Variants in GRIK1 observed in about 807,000 individuals in gnomAD.
GRIK1 encodes the protein glutamate receptor ionotropic, kainate 1.
In GRIK1, 69 loss-of-function variants were observed where a neutral mutation model predicts 105.7. The ratio of observed to expected loss-of-function variants is 0.65; its 90% CI spans 0.54 to 0.80. The LOEUF is 0.80. Among genes scored for constraint, GRIK1 ranks in the 30% least tolerant of loss-of-function variants. The pLI is 0.00. For synonymous variants in GRIK1, 438 were observed against 431.3 expected (o/e 1.02, Z -0.19); for missense variants, 1,109 against 1,167.3 (o/e 0.95, Z 0.73).
intron 5 of GRIK1, among the ~76,000 whole-genome samples, chr21:29,654,102 T>G (rs7275185): frequency 0.021 from 3,204 of 152,286 alleles, 120 homozygotes; most frequent in African/African-American, 0.074. Context: ...ATTCTGTTTT[T>G]CTTCTCATGT....
chr21:29,909,104 AT>A (rs1299816233), intron 1 of GRIK1, among the ~76,000 whole-genome samples: 3 of 152,102 alleles, frequency 2.0e-5, no homozygotes, highest in African/African-American at 2.4e-5. Context: ...TTTCAAAGAA[AT>A]TTTTATTTAA....
intron 1 of GRIK1, among the ~76,000 whole-genome samples, chr21:29,707,446 C>CCCTCCCTCCCTCCCTTCCTTCCTTTCTT (rs1345900414): frequency 5.4e-5 from 1 of 18,654 alleles, no homozygotes; most frequent in African/African-American, 2.2e-4. Flanking sequence ...CTCCCTCCCT[C>CCCTCCCTCCCTCCCTTCCTTCCTTTCTT]CCTCCCTCCC....
intron 1 of GRIK1, among the ~76,000 whole-genome samples, chr21:29,832,851 G>A (rs1206628364): frequency 6.6e-6 from 1 of 152,086 alleles, no homozygotes. Flanking sequence ...CCAGAAAATG[G>A]GTTTTTCTTT....
At chr21:29,918,077 A>C (rs899633459) in intron 1 of GRIK1, among the ~76,000 whole-genome samples, 2 of 152,090 alleles carry the variant, frequency 1.3e-5, no homozygotes, top group African/African-American at 4.8e-5. Flanking sequence ...GTGATGGTTT[A>C]GTCACAAACT....
At chr21:29,842,169 T>C (rs1452222081) in intron 1 of GRIK1, among the ~76,000 whole-genome samples, 1 of 152,200 alleles carries the variant, frequency 6.6e-6, no homozygotes, top group East Asian at 1.9e-4. Context: ...TCACTCAGGT[T>C]ATTCTTTGCT....
At chr21:29,933,814 T>C (rs911573256) in intron 1 of GRIK1, among the ~76,000 whole-genome samples, 1 of 152,158 alleles carries the variant, frequency 6.6e-6, no homozygotes, top group Non-Finnish European at 1.5e-5. Context: ...CAGCTGGAAA[T>C]ATGAATCCCC....
intron 14 of GRIK1, among the ~76,000 whole-genome samples, chr21:29,567,227 T>C (rs1205629162): frequency 6.6e-6 from 1 of 152,226 alleles, no homozygotes; most frequent in African/African-American, 2.4e-5. Context: ...AGGATTTCCA[T>C]CACACAATGT....
chr21:29,805,076 A>T (rs1234039642), intron 1 of GRIK1, among the ~76,000 whole-genome samples: 1 of 151,840 alleles, frequency 6.6e-6, no homozygotes, highest in Admixed American at 6.6e-5. Context: ...TTTTGTGGGG[A>T]TATGCAGCTT....
Position 29,681,419 on chromosome 21 carries a change from T to C in GRIK1, c.545-8255A>G, listed in dbSNP as rs1568968885. On this transcript the variant is annotated intron_variant, in intron 3 of 17. Coordinates refer to ENST00000327783, the MANE Select transcript of GRIK1 (RefSeq NM_001330994.2). ...TCCCCTCCCCTCTTACTCTGATCCA[T>C]CCACCCTGGCCTCCTTGCTGTTGCT... Among the ~76,000 whole-genome samples the C allele has an allele frequency of 2.6e-5, 4 of 152,266 alleles. No homozygotes were observed. In the East Asian group the frequency reaches 7.7e-4, roughly 29 times the overall value.
chr21:29,574,597 G>A (rs924378706), intron 14 of GRIK1, among the ~76,000 whole-genome samples: 3 of 151,370 alleles, frequency 2.0e-5, no homozygotes, highest in Non-Finnish European at 4.4e-5. Flanking sequence ...TTGCAAAGCC[G>A]TAATGTCATT....
At chr21:29,608,525 T>C (rs952023810) in intron 7 of GRIK1, among the ~76,000 whole-genome samples, 2 of 152,178 alleles carry the variant, frequency 1.3e-5, no homozygotes, top group Non-Finnish European at 2.9e-5. Flanking sequence ...TTCTGCCAAA[T>C]ACTGCATTAA....
rs994993709 is a variant in GRIK1 at position 29,690,079 on chromosome 21, A to G, written c.287-94T>C. The G allele has an allele frequency of 3.0e-6, 3 of 985,152 alleles. No homozygotes were observed. In the Admixed American group the frequency reaches 7.6e-5, roughly 25 times the overall value. 61.0% of individuals were successfully genotyped at this position (985,152 alleles called of 1,614,324 possible). A position where few individuals can be genotyped will look rare whatever the true frequency, so the allele number is the denominator to read the frequency against. ...TATGAATTTAATTTTTTCTTTCATG[A>G]TTCCTCTTTTTAATGCAACTATTGA... On this transcript the variant is annotated intron_variant, in intron 2 of 17. Coordinates refer to ENST00000327783, the MANE Select transcript of GRIK1 (RefSeq NM_001330994.2).
chr21:29,572,962 G>C (rs915446223), intron 14 of GRIK1, among the ~76,000 whole-genome samples: 2 of 151,940 alleles, frequency 1.3e-5, no homozygotes, highest in Non-Finnish European at 2.9e-5. Flanking sequence ...TAGTAGGGAC[G>C]GGGTTTCTCC....
intron 1 of GRIK1, among the ~76,000 whole-genome samples, chr21:29,904,192 C>T (rs966863480): frequency 5.3e-5 from 8 of 151,744 alleles, no homozygotes; most frequent in African/African-American, 1.9e-4. Context: ...CGATGGGTGC[C>T]GCAAACCACC....
chr21:29,560,380 C>CTTTCTTT (rs1568813803), intron 15 of GRIK1, among the ~76,000 whole-genome samples: 1 of 51,604 alleles, frequency 1.9e-5, no homozygotes, highest in Admixed American at 2.4e-4. Context: ...TTCCTTCCTT[C>CTTTCTTT]CTTCCTTCCT....
chr21:29,890,917 GT>G (rs2069873356), intron 1 of GRIK1, among the ~76,000 whole-genome samples: 1 of 152,148 alleles, frequency 6.6e-6, no homozygotes, highest in African/African-American at 2.4e-5. Flanking sequence ...CAGTTGGTCT[GT>G]TTTTTGTATG....
At chr21:29,542,946 G>A (rs556920535) in intron 16 of GRIK1, among the ~76,000 whole-genome samples, 2 of 152,272 alleles carry the variant, frequency 1.3e-5, no homozygotes, top group African/African-American at 4.8e-5. Context: ...GAAGAAAGAG[G>A]ATATTATTGT....
At chr21:29,601,130 C>T (rs1236655905) in intron 7 of GRIK1, 3 of 417,818 alleles carry the variant, frequency 7.2e-6, no homozygotes, top group African/African-American at 4.0e-5. Context: ...GCAAGGCAGA[C>T]AGCCCTCTCC....
At chr21:29,605,565 C>A (rs1325547157) in intron 7 of GRIK1, among the ~76,000 whole-genome samples, 1 of 151,986 alleles carries the variant, frequency 6.6e-6, no homozygotes, top group Non-Finnish European at 1.5e-5. Context: ...GATTTATAAT[C>A]CTTTGGGTAT....
Sources: allele counts gnomAD v4.1 joint callset (sites outside exome capture counted in the v4.1 genomes callset), GRCh38; gene constraint gnomAD v4.1.1; transcripts MANE v1.5; gene names NCBI Gene and HGNC (gene_info 2026-07-23, HGNC 2026-07-21).